The following COL21A1 variants were observed in gnomAD, a reference collection of about 807,000 sequenced individuals.
COL21A1 encodes collagen type XXI alpha 1 chain.
Under a neutral mutation model 137.9 loss-of-function variants are expected in COL21A1, and 149 were observed. The ratio of observed to expected loss-of-function variants is 1.08; its 90% CI spans 0.95 to 1.24. The LOEUF (loss-of-function observed/expected upper bound fraction) is 1.24. Among genes scored for constraint, COL21A1 ranks in the 50% most tolerant of loss-of-function variants. The pLI is 0.00. For synonymous variants in COL21A1, 456 were observed against 391.5 expected (o/e 1.16, Z -1.95); for missense variants, 1,167 against 1,158.4 (o/e 1.01, Z -0.11).
At chr6:56,268,716 T>C (rs1394244842) in intron 1 of COL21A1, among the ~76,000 whole-genome samples, 1 of 152,166 alleles carries the variant, frequency 6.6e-6, no homozygotes, top group East Asian at 1.9e-4. Context: ...ACTCTGGCCA[T>C]TCAAAAAGGC....
intron 1 of COL21A1, among the ~76,000 whole-genome samples, chr6:56,293,464 GACA>G (rs1167182074): frequency 4.6e-5 from 7 of 152,030 alleles, no homozygotes; most frequent in East Asian, 3.9e-4. Flanking sequence ...ACAGTCTTCA[GACA>G]ACAACAAAAA....
chr6:56,380,321 C>A (rs1008770), intron 1 of COL21A1, among the ~76,000 whole-genome samples: 1 of 152,040 alleles, frequency 6.6e-6, no homozygotes, highest in Non-Finnish European at 1.5e-5. Flanking sequence ...CCAAATAAAC[C>A]GCTTTTCTTT....
intron 17 of COL21A1, among the ~76,000 whole-genome samples, chr6:56,099,825 C>T (rs1393117094): frequency 1.3e-5 from 2 of 152,046 alleles, no homozygotes; most frequent in Admixed American, 1.3e-4. Flanking sequence ...TCATGCTACC[C>T]TATTGAACCC....
intron 1 of COL21A1, among the ~76,000 whole-genome samples, chr6:56,240,968 T>C (rs894243041): frequency 1.3e-5 from 2 of 152,198 alleles, no homozygotes; most frequent in Non-Finnish European, 2.9e-5. Flanking sequence ...TCCAAGTGCC[T>C]CTGCTTCCAT....
chr6:56,360,657 C>A (rs1241830898), intron 1 of COL21A1, among the ~76,000 whole-genome samples: 1 of 152,060 alleles, frequency 6.6e-6, no homozygotes, highest in East Asian at 1.9e-4. Context: ...TTCCAGGGCA[C>A]CATCCCTAAA....
intron 1 of COL21A1, among the ~76,000 whole-genome samples, chr6:56,326,080 A>G (rs867162092): frequency 1.1e-4 from 14 of 127,722 alleles, no homozygotes; most frequent in South Asian, 2.3e-4. Context: ...CATAATATTA[A>G]TTATGATAAC....
chr6:56,356,306 T>G (rs1765827160), intron 1 of COL21A1, among the ~76,000 whole-genome samples: 2 of 152,062 alleles, frequency 1.3e-5, no homozygotes, highest in Non-Finnish European at 2.9e-5. Context: ...ACTATTGACA[T>G]TTTGGGCCTG....
intron 3 of COL21A1, among the ~76,000 whole-genome samples, 153 bp from the exon 4 acceptor site, chr6:56,171,281 G>T (rs934312169): frequency 1.3e-5 from 2 of 151,762 alleles, no homozygotes; most frequent in African/African-American, 4.8e-5. Context: ...AAATGTATAT[G>T]AATACATTTT....
chr6:56,315,926 A>C (rs1764721046), intron 1 of COL21A1, among the ~76,000 whole-genome samples: 1 of 152,236 alleles, frequency 6.6e-6, no homozygotes, highest in Admixed American at 6.5e-5. Context: ...TGACTGTAGT[A>C]ATCACTTCAC....
chr6:56,356,415 G>A lies in COL21A1; in HGVS notation c.-39+37556C>T, dbSNP rs1008820607. On this transcript the variant is annotated intron_variant, in intron 1 of 28. Coordinates refer to the COL21A1 transcript ENST00000370819. ...TTGGCCTCTACCCACTATATGTCAG[G>A]GGTACTCACTCCCCTCTGCCCCCCA... Among the ~76,000 whole-genome samples the A allele has an allele frequency of 3.3e-5, 5 of 152,080 alleles. No homozygotes were observed. The South Asian group carries it at 6.2e-4, about 19-fold the overall frequency.
chr6:56,363,002 C>T (rs950913134), intron 1 of COL21A1, among the ~76,000 whole-genome samples: 1 of 152,168 alleles, frequency 6.6e-6, no homozygotes, highest in Admixed American at 6.5e-5. Context: ...CCATCAGGGC[C>T]AGGCACTACC....
At chr6:56,093,178 T>C (rs1769011528) in intron 17 of COL21A1, among the ~76,000 whole-genome samples, 1 of 152,076 alleles carries the variant, frequency 6.6e-6, no homozygotes, top group Non-Finnish European at 1.5e-5. Flanking sequence ...ATTCTGGGGA[T>C]TAAGAGCTGA....
At chr6:56,365,662 C>T (rs905334623) in intron 1 of COL21A1, among the ~76,000 whole-genome samples, 6 of 152,156 alleles carry the variant, frequency 3.9e-5, no homozygotes, top group African/African-American at 7.2e-5. Flanking sequence ...GTTACCAGGC[C>T]TCCCAAAGTT....
At chr6:56,057,912 G>T in intron 29 of COL21A1, 68 bp from the exon 30 acceptor site, 1 of 1,064,480 alleles carries the variant, frequency 9.4e-7, no homozygotes, top group Non-Finnish European at 1.3e-6. Flanking sequence ...AGCCAATTCT[G>T]CAAGAAACTT....
intron 17 of COL21A1, among the ~76,000 whole-genome samples, chr6:56,085,904 T>A (rs929695507): frequency 6.7e-6 from 1 of 149,144 alleles, no homozygotes; most frequent in Admixed American, 6.7e-5. Context: ...TTTATTTATA[T>A]ATAAATATAT....
chr6:56,161,997 G>A (rs1776238613), intron 9 of COL21A1, among the ~76,000 whole-genome samples: 2 of 152,120 alleles, frequency 1.3e-5, no homozygotes, highest in South Asian at 4.1e-4. Context: ...TCGATTTGAT[G>A]GACTTCTGCA....
chr6:56,283,811 A>G (rs957076556), intron 1 of COL21A1, among the ~76,000 whole-genome samples: 2 of 152,088 alleles, frequency 1.3e-5, no homozygotes, highest in Non-Finnish European at 2.9e-5. Context: ...AAAAGGATGC[A>G]GTCTCAGAAG....
chr6:56,111,557 A>C (rs1771432611), intron 16 of COL21A1, among the ~76,000 whole-genome samples: 2 of 152,094 alleles, frequency 1.3e-5, no homozygotes, highest in Admixed American at 1.3e-4. Flanking sequence ...TCTGCAATCT[A>C]CAATTATTCC....
intron 1 of COL21A1, among the ~76,000 whole-genome samples, chr6:56,363,136 GAC>G (rs751485171): frequency 1.6e-4 from 25 of 152,208 alleles, no homozygotes; most frequent in Non-Finnish European, 3.4e-4. Context: ...GAAATGGAGA[GAC>G]AAATTGTCCT....
Sources: gnomAD v4.1 joint callset for allele counts (sites outside exome capture counted in the v4.1 genomes callset) on GRCh38, gnomAD v4.1.1 for gene constraint, MANE v1.5 for transcripts, NCBI Gene and HGNC (gene_info 2026-07-23, HGNC 2026-07-21) for gene names.